SMUG1: variants seen among roughly 807,000 people sequenced by gnomAD.
SMUG1 encodes single-strand selective monofunctional uracil DNA glycosylase.
A neutral mutation model predicts 23.9 loss-of-function variants in SMUG1; 13 were observed. That is an observed-to-expected ratio of 0.54 (90% confidence interval 0.35 to 0.86). SMUG1 has a LOEUF of 0.86. Among genes scored for constraint, SMUG1 ranks in the 40% least tolerant of loss-of-function variants. The pLI, the probability that SMUG1 is intolerant of heterozygous loss-of-function variation, is 0.01. For synonymous variants in SMUG1, 133 were observed against 139.8 expected, an observed-to-expected ratio of 0.95 and a Z score of 0.34; for missense variants, 313 against 339.5, an observed-to-expected ratio of 0.92 and a Z score of 0.61.
intron 2 of SMUG1, among the ~76,000 whole-genome samples, chr12:54,185,798 C>T (rs1465174566): frequency 6.6e-6 from 1 of 151,764 alleles, no homozygotes; most frequent in Admixed American, 6.6e-5. Flanking sequence ...GCCTGGGCTA[C>T]AGAGGGAGAC....
At chr12:54,183,628 C>T in intron 3 of SMUG1, 28 bp downstream of exon 3, 2 of 1,611,444 alleles carry the variant, frequency 1.2e-6, no homozygotes, top group Non-Finnish European at 8.5e-7. Context: ...CCCCCCACTC[C>T]ACCCACTGGG....
Position 54,182,115 on chromosome 12 carries a change from A to C in SMUG1, c.794T>G (p.Leu265Arg). ...GGGCACTCATTTCAACAGCAGTGGC[A>C]GCAGCCCCAGCTCATTCAATCTTTC... ...AKERLNELGL[L>R]PLLLK Residue 265 changes from leucine (L) to arginine (R), a missense_variant, in exon 4 of 4, where the codon CTG (leucine) becomes CGG (arginine). Physicochemically the swap from Leu to Arg is moderately radical, Grantham distance 102. Transcript: ENST00000682136. The C allele has an allele frequency of 6.5e-7, 1 of 1,544,314 alleles. No homozygotes were observed. The highest frequency in any genetic ancestry group is 8.7e-7 in the Non-Finnish European group (1 of 1,145,046).
chr12:54,169,424 G>A (rs909384128), intron 3 of SMUG1, among the ~76,000 whole-genome samples: 1 of 151,930 alleles, frequency 6.6e-6, no homozygotes, highest in African/African-American at 2.4e-5. Context: ...AGGAAAAGAG[G>A]ATACTGACTC....
downstream of SMUG1, among the ~76,000 whole-genome samples, chr12:54,179,198 T>G (rs974776081): frequency 6.6e-6 from 1 of 152,228 alleles, no homozygotes; most frequent in Non-Finnish European, 1.5e-5. Flanking sequence ...CTTGCTCAAC[T>G]TGCAGACAGC....
chr12:54,166,141 T>A (rs980387862), intron 3 of SMUG1, among the ~76,000 whole-genome samples: 4 of 152,158 alleles, frequency 2.6e-5, no homozygotes, highest in Admixed American at 2.6e-4. Context: ...GGTGGGTGGA[T>A]CATGAGGTCA....
At chr12:54,184,139 C>T (rs1941787435) in intron 2 of SMUG1, 180 bp from the exon 3 acceptor site, 2 of 476,136 alleles carry the variant, frequency 4.2e-6, no homozygotes, top group Non-Finnish European at 7.4e-6. Context: ...TAATGAAGGG[C>T]CCTTTCCCTC....
At chr12:54,163,643 C>T (rs906648898), downstream of SMUG1, among the ~76,000 whole-genome samples, 1 of 152,086 alleles carries the variant, frequency 6.6e-6, no homozygotes, top group African/African-American at 2.4e-5. Flanking sequence ...AAAGTGAGAC[C>T]AGCTTCTTCC....
downstream of SMUG1, chr12:54,162,392 C>T (rs370324759): frequency 7.9e-5 from 12 of 152,240 alleles, no homozygotes; most frequent in South Asian, 2.1e-4. Flanking sequence ...ACTCAGCCTC[C>T]GCTCTAGGTC....
chr12:54,158,345 T>G (rs754984656), intron 4 of SMUG1, among the ~76,000 whole-genome samples: 1 of 152,204 alleles, frequency 6.6e-6, no homozygotes, highest in Non-Finnish European at 1.5e-5. Context: ...CTGGTGCTAC[T>G]CACCAGCTCT....
intron 3 of SMUG1, chr12:54,165,484 G>A (rs2136533012): frequency 6.6e-6 from 1 of 152,182 alleles, no homozygotes; most frequent in South Asian, 2.1e-4. Flanking sequence ...CCAGCCTAGG[G>A]AATATAGTGA....
chr12:54,181,762 C>A lies in SMUG1; in HGVS notation c.*334G>T. The A allele has an allele frequency of 6.9e-7, 1 of 1,452,416 alleles. No individual in the cohort carries two copies. 90.0% of individuals were successfully genotyped at this position (1,452,416 alleles called of 1,614,324 possible). On this transcript the variant is annotated 3_prime_UTR_variant, in exon 4 of 4. Transcript: ENST00000682136. ...ACCTTAGAAGTTACTGTCTAGGGCA[C>A]TCTCAGCTGAATAAAGTCTCCCAAG...
chr12:54,159,335 C>T (rs1054952196), intron 4 of SMUG1, among the ~76,000 whole-genome samples: 2 of 152,160 alleles, frequency 1.3e-5, no homozygotes, highest in South Asian at 2.1e-4. Flanking sequence ...GGGAGGGTCA[C>T]GTGGCTCGGC....
chr12:54,180,575 T>C lies in SMUG1; in HGVS notation c.*1521A>G, dbSNP rs1471410679. 1.3e-5 allele frequency: 2 copies of C among 152,160 alleles called. No homozygotes were observed. Among genetic ancestry groups the C allele is most frequent in the African/African-American group, 4.8e-5 (2 of 41,420 alleles). 9.4% of individuals were successfully genotyped at this position (152,160 alleles called of 1,614,324 possible). Reference sequence around the variant, plus strand: ...TACCAAAGGGGCACCCAGTCAACCATTCAGCAGACATAAAAAATGAGTTGG... The same window carrying C: ...TACCAAAGGGGCACCCAGTCAACCACTCAGCAGACATAAAAAATGAGTTGG... On this transcript the variant is annotated 3_prime_UTR_variant, in exon 4 of 4. Transcript: ENST00000682136.
intron 2 of SMUG1, among the ~76,000 whole-genome samples, chr12:54,173,475 C>G (rs1341373706): frequency 6.6e-6 from 1 of 151,962 alleles, no homozygotes; most frequent in South Asian, 2.1e-4. Context: ...GGGCGCGGCG[C>G]CGGGAGCTGG....
downstream of SMUG1, among the ~76,000 whole-genome samples, chr12:54,164,051 G>A (rs774654160): frequency 2.6e-4 from 40 of 151,970 alleles, no homozygotes; most frequent in Non-Finnish European, 5.0e-4. Context: ...GCCTGACCCG[G>A]GAGGCAGAAG....
rs184821193 is a variant in SMUG1 at position 54,188,360 on chromosome 12, G to A, written c.-103-458C>T. ...AATAATGCATAGGCCGGGCGCGGTG[G>A]CTCACACCCGTAATCCGAGCACTTT... On this transcript the variant is annotated intron_variant, in intron 1 of 3. Coordinates refer to ENST00000682136, the MANE Select transcript of SMUG1 (RefSeq NM_001243787.2). 4.3e-3 allele frequency among the ~76,000 whole-genome samples: 641 copies of A among 150,230 alleles called. 4 individuals are homozygous for A. The highest frequency in any genetic ancestry group is 0.015 in the African/African-American group (605 of 41,138).
intron 3 of SMUG1, among the ~76,000 whole-genome samples, chr12:54,166,330 C>T (rs1036181376): frequency 6.6e-6 from 1 of 152,176 alleles, no homozygotes; most frequent in African/African-American, 2.4e-5. Flanking sequence ...CATTGTACTC[C>T]AGCCTGTGCA....
At chr12:54,165,979 G>A (rs1315921470) in intron 3 of SMUG1, among the ~76,000 whole-genome samples, 2 of 152,216 alleles carry the variant, frequency 1.3e-5, no homozygotes, top group Non-Finnish European at 2.9e-5. Context: ...AGTGTGAGAA[G>A]ATTTTGCCTG....
chr12:54,164,798 G>GA (rs1037189691), intron 4 of SMUG1: 13 of 152,198 alleles, frequency 8.5e-5, no homozygotes, highest in African/African-American at 3.1e-4. Context: ...TGCAAGAGTG[G>GA]AATAATAATA....
Sources: allele counts gnomAD v4.1 joint callset (sites outside exome capture counted in the v4.1 genomes callset), GRCh38; gene constraint gnomAD v4.1.1; transcripts MANE v1.5; gene names NCBI Gene and HGNC (gene_info 2026-07-23, HGNC 2026-07-21).